Variants in FBXL17 observed in about 807,000 individuals in gnomAD.
The protein encoded by FBXL17 is F-box/LRR-repeat protein 17.
FBXL17 carries 22 observed loss-of-function variants against 66.2 expected under a neutral mutation model. The observed-to-expected ratio is 0.33, with a 90% confidence interval of 0.24 to 0.47. FBXL17 has a LOEUF of 0.47. Ranked by LOEUF, FBXL17 falls within the 20% of genes least tolerant of loss-of-function variation. FBXL17 has a pLI of 1.00. For synonymous variants in FBXL17, 474 were observed against 400.5 expected (o/e 1.18, Z -2.19); for missense variants, 878 against 948.2 (o/e 0.93, Z 0.97).
intron 4 of FBXL17, among the ~76,000 whole-genome samples, chr5:108,338,193 A>T (rs887591019): frequency 4.5e-5 from 2 of 44,350 alleles, no homozygotes; most frequent in Admixed American, 6.7e-4. Context: ...AGTTACAATG[A>T]AAAGCTAGAA....
chr5:108,129,956 T>C (rs1750867809), intron 6 of FBXL17, among the ~76,000 whole-genome samples: 1 of 151,488 alleles, frequency 6.6e-6, no homozygotes, highest in African/African-American at 2.4e-5. Flanking sequence ...AATGTGATAA[T>C]CAATACAAGT....
chr5:108,083,597 A>G (rs74961934), intron 6 of FBXL17, among the ~76,000 whole-genome samples: 1 of 148,490 alleles, frequency 6.7e-6, no homozygotes, highest in African/African-American at 2.5e-5. Flanking sequence ...TGGTAGAGAC[A>G]GGGTTTTACC....
At chr5:108,198,399 TCA>T (rs1386512895) in intron 5 of FBXL17, among the ~76,000 whole-genome samples, 1 of 151,952 alleles carries the variant, frequency 6.6e-6, no homozygotes, top group African/African-American at 2.4e-5. Flanking sequence ...GAAACAGGAG[TCA>T]CAGACTCTGG....
intron 4 of FBXL17, among the ~76,000 whole-genome samples, chr5:108,278,192 G>A (rs1223376943): frequency 1.3e-5 from 2 of 152,262 alleles, no homozygotes; most frequent in Non-Finnish European, 1.5e-5. Context: ...ACCAGAGAAC[G>A]CCCTGACCCT....
At chr5:108,013,037 A>AAAAAAT (rs1384376801) in intron 7 of FBXL17, among the ~76,000 whole-genome samples, 1 of 140,822 alleles carries the variant, frequency 7.1e-6, no homozygotes, top group African/African-American at 2.5e-5. Context: ...AAAAAAAAAA[A>AAAAAAT]AGTACCTATC....
chr5:108,205,204 T>C (rs1754066868), intron 5 of FBXL17, among the ~76,000 whole-genome samples: 1 of 152,154 alleles, frequency 6.6e-6, no homozygotes, highest in Non-Finnish European at 1.5e-5. Flanking sequence ...CAAAACTACA[T>C]TGCTGGCCCA....
intron 3 of FBXL17, among the ~76,000 whole-genome samples, chr5:108,359,619 T>C (rs1039373120): frequency 6.6e-6 from 1 of 152,184 alleles, no homozygotes; most frequent in African/African-American, 2.4e-5. Context: ...TTTCCTTCTA[T>C]TATTGATTTC....
chr5:108,381,794 G>T lies in FBXL17; in HGVS notation c.-103C>A, dbSNP rs957861041. On this transcript the variant is annotated 5_prime_UTR_variant, in exon 1 of 9. Transcript: ENST00000542267. Reference sequence around the variant, plus strand: ...CCGCTCGCTGGCTCGGCCCCCGGAGGGGTCGCCCTTCCTGCGCACACACAC... The same window carrying T: ...CCGCTCGCTGGCTCGGCCCCCGGAGTGGTCGCCCTTCCTGCGCACACACAC... 5.0e-5 allele frequency: 68 copies of T among 1,355,182 alleles called. No homozygotes were observed. The highest frequency in any genetic ancestry group is 5.4e-5 in the Non-Finnish European group (57 of 1,058,536). The allele number at this position is 1,355,182 out of a possible 1,614,324, so 83.9% of individuals were successfully genotyped here.
intron 4 of FBXL17, among the ~76,000 whole-genome samples, chr5:108,283,053 A>G (rs1285781545): frequency 3.3e-5 from 5 of 151,802 alleles, no homozygotes; most frequent in African/African-American, 7.2e-5. Context: ...AAATGAATTA[A>G]TATCATTAAA....
intron 6 of FBXL17, among the ~76,000 whole-genome samples, chr5:108,085,029 A>C (rs1267587839): frequency 1.3e-5 from 2 of 152,244 alleles, no homozygotes; most frequent in Admixed American, 1.3e-4. Context: ...AAGCTCCCTG[A>C]TTCTTTCACT....
chr5:107,957,927 A>C (rs371524873), intron 7 of FBXL17, among the ~76,000 whole-genome samples: 5 of 152,186 alleles, frequency 3.3e-5, no homozygotes, highest in African/African-American at 1.2e-4. Flanking sequence ...AGACATCAAC[A>C]CAGGCAAAGT....
At chr5:108,067,307 C>G (rs992382722) in intron 6 of FBXL17, among the ~76,000 whole-genome samples, 15 of 152,098 alleles carry the variant, frequency 9.9e-5, no homozygotes, top group Admixed American at 2.6e-4. Flanking sequence ...ATACTTCTAT[C>G]TTCCTTCTGG....
chr5:107,959,012 T>A (rs551089581), intron 7 of FBXL17, among the ~76,000 whole-genome samples: 16 of 152,186 alleles, frequency 1.1e-4, no homozygotes, highest in Non-Finnish European at 2.1e-4. Flanking sequence ...TGCGTTAGCA[T>A]CAGGAAGTGA....
intron 6 of FBXL17, among the ~76,000 whole-genome samples, chr5:108,155,162 G>A (rs368601521): frequency 1.3e-5 from 2 of 152,208 alleles, no homozygotes; most frequent in East Asian, 3.9e-4. Flanking sequence ...AGAAAAAACT[G>A]AGATATTATA....
At chr5:108,071,705 T>C (rs1748341246) in intron 6 of FBXL17, among the ~76,000 whole-genome samples, 1 of 152,214 alleles carries the variant, frequency 6.6e-6, no homozygotes, top group Non-Finnish European at 1.5e-5. Context: ...TATTCTACTT[T>C]ATCGTGAAGT....
chr5:108,015,765 G>T (rs1051487889), intron 7 of FBXL17, among the ~76,000 whole-genome samples: 1 of 152,112 alleles, frequency 6.6e-6, no homozygotes, highest in African/African-American at 2.4e-5. Context: ...AGCTTAAAAG[G>T]GTTGGTATCC....
At chr5:107,959,946 C>A (rs1478401316) in intron 7 of FBXL17, among the ~76,000 whole-genome samples, 1 of 152,162 alleles carries the variant, frequency 6.6e-6, no homozygotes, top group Non-Finnish European at 1.5e-5. Flanking sequence ...TAGATCTGTT[C>A]TCAGTGACTA....
At chr5:108,370,206 GT>G (rs1223945558) in intron 1 of FBXL17, among the ~76,000 whole-genome samples, 3 of 151,784 alleles carry the variant, frequency 2.0e-5, no homozygotes, top group African/African-American at 4.8e-5. Flanking sequence ...GTTTTGTTTT[GT>G]TTTTTTTCTC....
At chr5:108,317,826 T>G (rs914584557) in intron 4 of FBXL17, among the ~76,000 whole-genome samples, 1 of 151,486 alleles carries the variant, frequency 6.6e-6, no homozygotes, top group African/African-American at 2.4e-5. Context: ...AAAGTATTAA[T>G]GTAAATGCAA....
Sources: allele counts gnomAD v4.1 joint callset (sites outside exome capture counted in the v4.1 genomes callset), GRCh38; gene constraint gnomAD v4.1.1; transcripts MANE v1.5; gene names NCBI Gene and HGNC (gene_info 2026-07-23, HGNC 2026-07-21).